The following MIGA1 variants were observed in gnomAD, a reference collection of about 807,000 sequenced individuals.
MIGA1 encodes mitoguardin 1.
A neutral mutation model predicts 82.0 loss-of-function variants in MIGA1; 58 were observed. The observed-to-expected ratio is 0.71, with a 90% CI of 0.57 to 0.88. MIGA1 has a LOEUF of 0.88. Ranked by LOEUF, MIGA1 falls within the 40% of genes least tolerant of loss-of-function variation. The pLI is 0.00. For synonymous variants in MIGA1, 249 were observed against 253.6 expected, an observed-to-expected ratio of 0.98 and a Z score of 0.17; for missense variants, 751 against 749.1, an observed-to-expected ratio of 1.00 and a Z score of -0.03.
At chr1:77,801,270 T>A in intron 2 of MIGA1, 61 bp from the exon 3 acceptor site, 5 of 1,229,838 alleles carry the variant, frequency 4.1e-6, no homozygotes, top group Non-Finnish European at 5.6e-6. Context: ...AGTTATTAGG[T>A]CCTTCTTTTA....
intron 2 of MIGA1, among the ~76,000 whole-genome samples, chr1:77,793,440 T>G (rs1312919455): frequency 6.6e-6 from 1 of 151,844 alleles, no homozygotes; most frequent in Non-Finnish European, 1.5e-5. Context: ...GAGAGGTTTT[T>G]TTTGTTTGTT....
chr1:77,790,414 C>T (rs534396500), intron 2 of MIGA1, among the ~76,000 whole-genome samples: 115 of 152,156 alleles, frequency 7.6e-4, no homozygotes, highest in African/African-American at 2.6e-3. Context: ...CTACAGGCTC[C>T]CGCCACCACA....
intron 5 of MIGA1, among the ~76,000 whole-genome samples, chr1:77,809,159 CA>C (rs1386383959): frequency 6.6e-6 from 1 of 151,994 alleles, no homozygotes; most frequent in African/African-American, 2.4e-5. Flanking sequence ...ATTAAAAATT[CA>C]AATTGAAGAA....
At chr1:77,845,610 T>G (rs1684807870) in intron 8 of MIGA1, among the ~76,000 whole-genome samples, 1 of 152,196 alleles carries the variant, frequency 6.6e-6, no homozygotes, top group African/African-American at 2.4e-5. Flanking sequence ...ATGTATGGTC[T>G]CAGAATGTGA....
chr1:77,787,374 T>C (rs1426928351), intron 2 of MIGA1, among the ~76,000 whole-genome samples: 1 of 151,880 alleles, frequency 6.6e-6, no homozygotes, highest in Non-Finnish European at 1.5e-5. Flanking sequence ...ATGTATATTT[T>C]AGTCCTTTGC....
chr1:77,815,334 TA>T (rs546971496), intron 7 of MIGA1, 103 bp downstream of exon 7: 1,005 of 885,228 alleles, frequency 1.1e-3, no homozygotes, highest in African/African-American at 2.5e-3. Flanking sequence ...ATAGGTTACT[TA>T]AAAAAAAATA....
chr1:77,865,973 C>T (rs900737717), intron 13 of MIGA1, among the ~76,000 whole-genome samples: 3 of 152,030 alleles, frequency 2.0e-5, no homozygotes, highest in African/African-American at 4.8e-5. Flanking sequence ...AGTGCAGTGG[C>T]GCGATCTCTG....
intron 1 of MIGA1, chr1:77,779,995 G>A: frequency 8.0e-7 from 1 of 1,246,034 alleles, no homozygotes; most frequent in Non-Finnish European, 1.0e-6. Flanking sequence ...AAAGCAGGAG[G>A]GTCCCCACGC....
chr1:77,828,641 C>T (rs1570968614), intron 7 of MIGA1, among the ~76,000 whole-genome samples: 1 of 152,078 alleles, frequency 6.6e-6, no homozygotes, highest in Non-Finnish European at 1.5e-5. Context: ...ATATAAAGTA[C>T]TACTGCCAGT....
At chr1:77,820,978 A>G (rs192078209) in intron 7 of MIGA1, among the ~76,000 whole-genome samples, 74 of 152,080 alleles carry the variant, frequency 4.9e-4, no homozygotes, top group African/African-American at 1.7e-3. Flanking sequence ...TACTAAAAAT[A>G]CAAAAATTAG....
At chr1:77,864,365 TAAAC>T (rs1190668307) in intron 13 of MIGA1, among the ~76,000 whole-genome samples, 18 of 150,570 alleles carry the variant, frequency 1.2e-4, no homozygotes, top group South Asian at 6.3e-4. Context: ...CTCCGTCTCA[TAAAC>T]AAACAAACAA....
intron 5 of MIGA1, among the ~76,000 whole-genome samples, chr1:77,809,629 T>C (rs1397503478): frequency 2.0e-5 from 3 of 152,116 alleles, no homozygotes; most frequent in Non-Finnish European, 4.4e-5. Flanking sequence ...CCTGTGTTCA[T>C]ATGTTCAGCC....
At chr1:77,843,699 C>T (rs901239292) in intron 8 of MIGA1, among the ~76,000 whole-genome samples, 1 of 152,096 alleles carries the variant, frequency 6.6e-6, no homozygotes, top group South Asian at 2.1e-4. Flanking sequence ...AATTTTTCAA[C>T]TTATATCAAG....
chr1:77,849,471 A>C (rs986015436), intron 8 of MIGA1, among the ~76,000 whole-genome samples: 7 of 152,214 alleles, frequency 4.6e-5, no homozygotes, highest in Non-Finnish European at 8.8e-5. Flanking sequence ...TGTTTGTTTT[A>C]TAAATATTGT....
chr1:77,814,734 G>C (rs768741685), intron 6 of MIGA1, among the ~76,000 whole-genome samples: 3 of 152,198 alleles, frequency 2.0e-5, no homozygotes, highest in Non-Finnish European at 4.4e-5. Context: ...TTAAAACACA[G>C]ATTTGGAGGC....
chr1:77,810,678 A>G (rs924590880), intron 5 of MIGA1, among the ~76,000 whole-genome samples: 7 of 152,226 alleles, frequency 4.6e-5, no homozygotes, highest in Non-Finnish European at 1.0e-4. Flanking sequence ...AAGGAGTCCT[A>G]TACGTCAGTG....
chr1:77,844,295 AAC>A (rs1234469353), intron 8 of MIGA1, among the ~76,000 whole-genome samples: 19 of 73,568 alleles, frequency 2.6e-4, no homozygotes, highest in East Asian at 1.6e-3. Context: ...TAAAGCTATA[AAC>A]ATGTTTCCAA....
intron 8 of MIGA1, among the ~76,000 whole-genome samples, chr1:77,844,111 A>T (rs867058866): frequency 3.1e-3 from 166 of 53,758 alleles, no homozygotes; most frequent in African/African-American, 7.4e-3. Flanking sequence ...AAAAAAAAAA[A>T]AAATATATAT....
In MIGA1 at chr1:77,870,890, C is replaced by T. The variant is rs373477785; in HGVS notation, c.1564-2114C>T. Among the ~76,000 whole-genome samples the T allele has an allele frequency of 2.8e-5, 4 of 142,846 alleles. No homozygotes were observed. The South Asian group carries it at 7.1e-4, about 26-fold the overall frequency. The allele number at this position is 142,846 out of a possible 152,430, so 93.7% of individuals were successfully genotyped here. On this transcript the variant is annotated intron_variant, in intron 14 of 15. Coordinates refer to ENST00000370791, the MANE Select transcript of MIGA1 (RefSeq NM_198549.4). The stretch of plus-strand genomic sequence containing the variant: ...CGCGGTTAGGAGCTGGAGACCAGCC[C>T]GGCCAACACAGCAAAACCCCGTCTC...
Sources: gnomAD v4.1 joint callset for allele counts (sites outside exome capture counted in the v4.1 genomes callset) on GRCh38, gnomAD v4.1.1 for gene constraint, MANE v1.5 for transcripts, NCBI Gene and HGNC (gene_info 2026-07-23, HGNC 2026-07-21) for gene names.